Variants in ERICH1 observed in about 807,000 individuals in gnomAD.
ERICH1 encodes the protein glutamate rich 1, also known as glutamate-rich protein 1.
In ERICH1, 56 loss-of-function variants were observed where a neutral mutation model predicts 39.6. The observed-to-expected ratio is 1.41, with a 90% CI of 1.14 to 1.77. The LOEUF (loss-of-function observed/expected upper bound fraction) is 1.77. Among genes scored for constraint, ERICH1 ranks in the 40% most tolerant of loss-of-function variants. ERICH1 has a pLI of 0.00. For synonymous variants in ERICH1, 313 were observed against 223.6 expected (o/e 1.40, Z -3.57); for missense variants, 826 against 575.4 (o/e 1.44, Z -4.45).
intron 3 of ERICH1, among the ~76,000 whole-genome samples, chr8:634,400 C>A (rs1025278373): frequency 2.0e-5 from 3 of 151,972 alleles, no homozygotes; most frequent in African/African-American, 7.3e-5. Flanking sequence ...AATGGTGCAG[C>A]TACCATGGAA....
downstream of ERICH1, among the ~76,000 whole-genome samples, chr8:663,120 T>C (rs146792599): frequency 1.1e-4 from 17 of 152,340 alleles, no homozygotes; most frequent in East Asian, 2.9e-3. Flanking sequence ...AAGGGGACTA[T>C]TTCCAGAGCC....
intron 2 of ERICH1, among the ~76,000 whole-genome samples, chr8:704,908 T>C (rs1277737600): frequency 7.2e-5 from 11 of 152,316 alleles, no homozygotes; most frequent in Non-Finnish European, 1.3e-4. Flanking sequence ...TTAATAATAA[T>C]TCCTGAGAAT....
chr8:665,162 A>G (rs1393986185), intron 5 of ERICH1, among the ~76,000 whole-genome samples: 1 of 151,922 alleles, frequency 6.6e-6, no homozygotes, highest in African/African-American at 2.4e-5. Flanking sequence ...AAAGGCAGCC[A>G]AGACACCACA....
chr8:621,274 G>A (rs558724850), intron 3 of ERICH1, among the ~76,000 whole-genome samples: 9 of 152,174 alleles, frequency 5.9e-5, no homozygotes, highest in East Asian at 5.8e-4. Flanking sequence ...CTAAAGCAGT[G>A]CCCAGAGGAA....
At chr8:705,864 C>A (rs930617461) in intron 2 of ERICH1, among the ~76,000 whole-genome samples, 2 of 152,162 alleles carry the variant, frequency 1.3e-5, no homozygotes, top group African/African-American at 4.8e-5. Flanking sequence ...GACGGTGGAG[C>A]CTTAAGATAA....
chr8:629,360 AC>A (rs1797789974), intron 3 of ERICH1, among the ~76,000 whole-genome samples: 1 of 149,972 alleles, frequency 6.7e-6, no homozygotes, highest in African/African-American at 2.5e-5. Flanking sequence ...CCACCCACAC[AC>A]ACAGAGCTGA....
At chr8:622,695 G>C (rs1042792759) in intron 3 of ERICH1, among the ~76,000 whole-genome samples, 1 of 152,178 alleles carries the variant, frequency 6.6e-6, no homozygotes, top group African/African-American at 2.4e-5. Flanking sequence ...GCTCACACCT[G>C]TAATCCCAGA....
intron 1 of ERICH1, chr8:725,838 T>C (rs1818488522): frequency 6.6e-6 from 1 of 152,528 alleles, no homozygotes; most frequent in Non-Finnish European, 1.5e-5. Flanking sequence ...TCCATGAGGC[T>C]GATTCCTTCC....
intron 3 of ERICH1, among the ~76,000 whole-genome samples, chr8:679,707 T>C (rs930421685): frequency 1.3e-5 from 2 of 152,256 alleles, no homozygotes; most frequent in African/African-American, 4.8e-5. Context: ...ATAAGTCATG[T>C]TGAAATGCTG....
At chr8:662,975 G>A (rs917373574), downstream of ERICH1, among the ~76,000 whole-genome samples, 1 of 152,218 alleles carries the variant, frequency 6.6e-6, no homozygotes, top group Non-Finnish European at 1.5e-5. Flanking sequence ...GTGGCCTCCT[G>A]GGAACACCCT....
intron 1 of ERICH1, among the ~76,000 whole-genome samples, chr8:726,861 A>G (rs1488032622): frequency 6.7e-6 from 1 of 150,312 alleles, no homozygotes; most frequent in African/African-American, 2.5e-5. Context: ...ACGTATGTAC[A>G]CAGATACACA....
At chr8:667,952 G>A (rs546472710) in intron 5 of ERICH1, 4 of 154,202 alleles carry the variant, frequency 2.6e-5, no homozygotes, top group Non-Finnish European at 5.8e-5. Flanking sequence ...CGGGTGCCAC[G>A]GACCCTCCTC....
chr8:715,414 CA>C (rs1295392640), intron 2 of ERICH1, among the ~76,000 whole-genome samples: 1 of 152,218 alleles, frequency 6.6e-6, no homozygotes, highest in Non-Finnish European at 1.5e-5. Flanking sequence ...AAGAGCTTAA[CA>C]TGGGGCTGTC....
intron 3 of ERICH1, among the ~76,000 whole-genome samples, chr8:639,340 C>T (rs2117198099): frequency 1.3e-5 from 2 of 152,300 alleles, no homozygotes; most frequent in East Asian, 1.9e-4. Flanking sequence ...TCCCAGGCTG[C>T]ATATCAAGGT....
At chr8:619,448 A>G (rs141834504) in intron 3 of ERICH1, among the ~76,000 whole-genome samples, 1 of 152,368 alleles carries the variant, frequency 6.6e-6, no homozygotes, top group Admixed American at 6.5e-5. Context: ...GTATTATAAC[A>G]TATAGAAACG....
intron 1 of ERICH1, among the ~76,000 whole-genome samples, chr8:729,175 A>T (rs945127331): frequency 6.6e-6 from 1 of 152,196 alleles, no homozygotes; most frequent in African/African-American, 2.4e-5. Flanking sequence ...CACTCAGCAG[A>T]TGCTCCGCCA....
intron 3 of ERICH1, among the ~76,000 whole-genome samples, chr8:650,704 G>A (rs1799837740): frequency 6.6e-6 from 1 of 152,224 alleles, no homozygotes; most frequent in East Asian, 1.9e-4. Context: ...CCCTGACCCT[G>A]AAGAGGGTGC....
At chr8:681,888 A>ACC (rs1806205182) in intron 3 of ERICH1, among the ~76,000 whole-genome samples, 1 of 151,810 alleles carries the variant, frequency 6.6e-6, no homozygotes, top group Admixed American at 6.6e-5. Context: ...CAAGGACCCC[A>ACC]CCCTTGACAC....
intron 2 of ERICH1, among the ~76,000 whole-genome samples, chr8:695,413 C>G (rs1421533647): frequency 6.6e-6 from 1 of 152,080 alleles, no homozygotes; most frequent in Non-Finnish European, 1.5e-5. Flanking sequence ...GCATCTGACA[C>G]AGATCCTTAC....
Sources: gnomAD v4.1 joint callset for allele counts (sites outside exome capture counted in the v4.1 genomes callset) on GRCh38, gnomAD v4.1.1 for gene constraint, MANE v1.5 for transcripts, NCBI Gene and HGNC (gene_info 2026-07-23, HGNC 2026-07-21) for gene names.